The following ADGRE1 variants were observed in gnomAD, a reference collection of about 807,000 sequenced individuals.
ADGRE1 encodes the protein EGF-like module receptor 1.
Under a neutral mutation model 102.7 loss-of-function variants are expected in ADGRE1, and 82 were observed. The observed-to-expected ratio is 0.80, with a 90% CI of 0.67 to 0.96. ADGRE1 has a LOEUF of 0.96. Among genes scored for constraint, ADGRE1 ranks in the 40% least tolerant of loss-of-function variants. ADGRE1 has a pLI of 0.00. For missense variants in ADGRE1, 1,032 were observed against 1,085.3 expected, an observed-to-expected ratio of 0.95 and a Z score of 0.69; for synonymous variants, 398 against 399.6, an observed-to-expected ratio of 1.00 and a Z score of 0.05.
At position 6,928,236 on chromosome 19, in the gene ADGRE1, G is replaced by A. The variant is rs567640603; in HGVS notation, c.2289+25G>A. On this transcript the variant is annotated intron_variant, in intron 17 of 20. Transcript: ENST00000312053. ...GGTAAGCAAATACTACAACAGCCTG[G>A]CGAAGTGTGTTCTGAAGGAGGAGCA... 5.6e-6 allele frequency: 9 copies of A among 1,614,136 alleles called. No homozygotes were observed. In the African/African-American group the frequency reaches 1.1e-4, roughly 19 times the overall value.
intron 14 of ADGRE1, among the ~76,000 whole-genome samples, chr19:6,922,651 CACACACAA>C (rs1442281461): frequency 1.0e-4 from 15 of 148,060 alleles, no homozygotes; most frequent in South Asian, 4.3e-4. Context: ...CACACACACA[CACACACAA>C]ACAAAAAGAA....
rs187841413 is a variant in ADGRE1 at position 6,935,366 on chromosome 19, C to T, written c.2381+288C>T. ...TAGGTGCCTTACAAAGCATTTAGCA[C>T]GGTTACTAGGAACAGTGAGTGTTTC... On this transcript the variant is annotated intron_variant, in intron 18 of 20. Transcript: ENST00000312053. Among the ~76,000 whole-genome samples, 170 of 152,202 alleles carry T rather than the reference C, an allele frequency of 1.1e-3. 1 individual carries two copies. Among genetic ancestry groups the T allele is most frequent in the Middle Eastern group, 3.4e-3 (1 of 294 alleles).
At chr19:6,899,679 CAA>C (rs879810404) in intron 5 of ADGRE1, among the ~76,000 whole-genome samples, 1 of 137,954 alleles carries the variant, frequency 7.2e-6, no homozygotes. Context: ...GACTCTGTTT[CAA>C]AAAAAAAAAA....
chr19:6,900,108 A>C (rs1313336818), intron 5 of ADGRE1, among the ~76,000 whole-genome samples: 1 of 147,734 alleles, frequency 6.8e-6, no homozygotes, highest in Non-Finnish European at 1.5e-5. Context: ...AAAAAAAAAA[A>C]GAAAGTTATC....
At chr19:6,938,941 G>A (rs967226578) in intron 20 of ADGRE1, among the ~76,000 whole-genome samples, 4 of 151,724 alleles carry the variant, frequency 2.6e-5, no homozygotes, top group Admixed American at 6.6e-5. Context: ...GATTACAGGC[G>A]CCCGCCAGCA....
At chr19:6,937,876 T>C (rs1311666797) in intron 20 of ADGRE1, among the ~76,000 whole-genome samples, 1 of 150,878 alleles carries the variant, frequency 6.6e-6, no homozygotes, top group African/African-American at 2.5e-5. Context: ...GAATAAGACA[T>C]ATATAATTTA....
chr19:6,916,259 C>T lies in ADGRE1; in HGVS notation c.1311C>T (p.Ser437=), dbSNP rs778083360. Residue 437 remains serine, a synonymous_variant, in exon 12 of 21, where the codon AGC becomes AGT. Transcript: ENST00000312053. ...CCTTTCTCTTTTTAGACATTGAGAG[C>T]AAAGTTATCAACAAAGAATGCAGTG... ...AVRTEYLDIE[S]KVINKECSEE... is the part of the protein sequence containing the mutation. The T allele has an allele frequency of 6.2e-7, 1 of 1,612,064 alleles. No individual in the cohort carries two copies.
chr19:6,887,741 T>C, intron 1 of ADGRE1, 102 bp downstream of exon 1: 1 of 1,277,680 alleles, frequency 7.8e-7, no homozygotes, highest in Non-Finnish European at 1.1e-6. Flanking sequence ...AGATCATAAG[T>C]CCAGACTGGA....
chr19:6,928,597 C>G (rs1282209584), intron 17 of ADGRE1: 2 of 217,000 alleles, frequency 9.2e-6, no homozygotes, highest in African/African-American at 4.6e-5. Context: ...CCACTGTACT[C>G]CAGCCTGGGC....
At chr19:6,928,065 T>TAG in intron 16 of ADGRE1, 80 bp from the exon 17 acceptor site, 2 of 1,515,248 alleles carry the variant, frequency 1.3e-6, no homozygotes, top group South Asian at 2.6e-5. Context: ...TCTCCTCCAC[T>TAG]AGGGCATTTG....
chr19:6,916,220 T>G, intron 11 of ADGRE1, 29 bp from the exon 12 acceptor site: 2 of 1,600,772 alleles, frequency 1.2e-6, no homozygotes, highest in Non-Finnish European at 1.7e-6. Flanking sequence ...CTGGGTGACC[T>G]CATACGAACT....
At chr19:6,896,613 T>C in intron 3 of ADGRE1, 72 bp downstream of exon 3, 3 of 1,543,112 alleles carry the variant, frequency 1.9e-6, no homozygotes, top group South Asian at 1.2e-5. Flanking sequence ...GGGTATTGAA[T>C]GTAGGTACTC....
rs761279030 is a variant in ADGRE1, at chr19:6,896,398, G to A, written c.95G>A (p.Gly32Asp). Residue 32 changes from glycine to aspartate, a missense_variant and splice_region_variant, in exon 3 of 21, where the codon GGT becomes GAT. Gly to Asp is a moderately conservative substitution (Grantham distance 94). Transcript: ENST00000312053. ...IRPTRKPNTK[G>D]NNCRDSTLCP... Reference sequence around the variant, plus strand: ...AAACTTTTCTTTATACACTGCCTAGGTAATAACTGTAGAGACAGTACCTTG... The same window carrying A: ...AAACTTTTCTTTATACACTGCCTAGATAATAACTGTAGAGACAGTACCTTG... 6.2e-7 allele frequency: 1 copy of A among 1,613,650 alleles called. No homozygotes were observed. Among genetic ancestry groups the A allele is most frequent in the African/African-American group, 1.3e-5 (1 of 74,858 alleles).
chr19:6,906,756 T>C (rs1973972162), intron 9 of ADGRE1, among the ~76,000 whole-genome samples: 1 of 152,092 alleles, frequency 6.6e-6, no homozygotes, highest in South Asian at 2.1e-4. Flanking sequence ...AGGTGGCAGC[T>C]CCAGCTCCTG....
chr19:6,902,163 A>G (rs1973787136), intron 6 of ADGRE1, 142 bp downstream of exon 6: 3 of 1,150,348 alleles, frequency 2.6e-6, no homozygotes, highest in Admixed American at 2.2e-5. Flanking sequence ...CTCATTAAAG[A>G]AATACCTCTT....
At chr19:6,925,675 A>C (rs1381219637) in intron 15 of ADGRE1, among the ~76,000 whole-genome samples, 3 of 144,984 alleles carry the variant, frequency 2.1e-5, no homozygotes, top group Non-Finnish European at 3.0e-5. Context: ...ACTTCCCTTT[A>C]TTTTTCTTTT....
chr19:6,904,331 C>T, intron 8 of ADGRE1, 149 bp downstream of exon 8: 1 of 1,096,154 alleles, frequency 9.1e-7, no homozygotes, highest in South Asian at 1.7e-5. Context: ...TTTACTCTTT[C>T]AACAAATGAT....
At chr19:6,916,427 G>C (rs574079461) in intron 12 of ADGRE1, 59 bp downstream of exon 12, 71 of 1,554,940 alleles carry the variant, frequency 4.6e-5, no homozygotes, top group Non-Finnish European at 6.1e-5. Flanking sequence ...AGTATTTATC[G>C]ATCCCTTTCT....
intron 17 of ADGRE1, among the ~76,000 whole-genome samples, chr19:6,931,533 C>T (rs1383378689): frequency 2.0e-5 from 3 of 152,216 alleles, no homozygotes; most frequent in Non-Finnish European, 4.4e-5. Context: ...TGCAGTGGCT[C>T]ATGCCTGTAA....
Sources: allele counts gnomAD v4.1 joint callset (sites outside exome capture counted in the v4.1 genomes callset), GRCh38; gene constraint gnomAD v4.1.1; transcripts MANE v1.5; gene names NCBI Gene and HGNC (gene_info 2026-07-23, HGNC 2026-07-21).